Variants in ECE1 observed in about 807,000 individuals in gnomAD.
ECE1 encodes endothelin converting enzyme 1.
Under a neutral mutation model 98.6 loss-of-function variants are expected in ECE1, and 35 were observed. The observed-to-expected ratio is 0.35, with a 90% confidence interval of 0.27 to 0.47. The LOEUF (loss-of-function observed/expected upper bound fraction) is 0.47, where lower values mean the gene tolerates loss of function less well. ECE1 is among the 20% of genes least tolerant of loss of function. ECE1 has a pLI of 1.00. For synonymous variants in ECE1, 394 were observed against 407.1 expected, an observed-to-expected ratio of 0.97 and a Z score of 0.39; for missense variants, 814 against 1,025.3, an observed-to-expected ratio of 0.79 and a Z score of 2.81.
chr1:21,248,512 C>T (rs183959354), intron 8 of ECE1, among the ~76,000 whole-genome samples: 1 of 152,148 alleles, frequency 6.6e-6, no homozygotes, highest in African/African-American at 2.4e-5. Flanking sequence ...AATGAGCGCT[C>T]GCGCCTGGGG....
At chr1:21,279,629 T>G in intron 2 of ECE1, 1 of 1,426,620 alleles carries the variant, frequency 7.0e-7, no homozygotes, top group Non-Finnish European at 9.1e-7. Flanking sequence ...TTTTCCCTGT[T>G]TCTCCAGTGA....
intron 1 of ECE1, among the ~76,000 whole-genome samples, chr1:21,332,651 G>A (rs1383983916): frequency 1.2e-5 from 1 of 81,462 alleles, no homozygotes; most frequent in Non-Finnish European, 2.5e-5. Context: ...GGGAGGGGAG[G>A]AAACAGGAGG....
At chr1:21,316,337 C>T (rs1001291110) in intron 1 of ECE1, among the ~76,000 whole-genome samples, 3 of 152,158 alleles carry the variant, frequency 2.0e-5, no homozygotes, top group Middle Eastern at 3.2e-3. Context: ...GGCACGATCT[C>T]GGCTCACTAC....
At chr1:21,283,126 A>G (rs578199115) in intron 2 of ECE1, among the ~76,000 whole-genome samples, 1 of 151,828 alleles carries the variant, frequency 6.6e-6, no homozygotes, top group Admixed American at 6.6e-5. Flanking sequence ...TATTTTTAGT[A>G]GAGATGGGGT....
intron 1 of ECE1, among the ~76,000 whole-genome samples, chr1:21,306,199 G>A (rs1638593443): frequency 6.6e-6 from 1 of 152,210 alleles, no homozygotes; most frequent in South Asian, 2.1e-4. Flanking sequence ...CAAAGCGTTT[G>A]CTGTCAGGAG....
At chr1:21,255,436 A>G (rs1303175392) in intron 8 of ECE1, among the ~76,000 whole-genome samples, 1 of 152,178 alleles carries the variant, frequency 6.6e-6, no homozygotes, top group Non-Finnish European at 1.5e-5. Context: ...GGCTTCTCCA[A>G]TGGGTGACAG....
chr1:21,279,204 G>A lies in ECE1; in HGVS notation c.267C>T (p.Ile89=). Residue 89 remains isoleucine, a synonymous_variant, in exon 3 of 19, where the codon ATC becomes ATT. Coordinates refer to ENST00000374893, the MANE Select transcript of ECE1 (RefSeq NM_001397.3). ...GAAGGCACCTACTTGTCTGGTACTG[G>A]ATGCCCAGTGCTGCCAAGCAGGCCA... ...GLVACLAALG[I]QYQTRSPSVC... 6.2e-7 allele frequency: 1 copy of A among 1,614,156 alleles called. No homozygotes were observed. Among genetic ancestry groups the A allele is most frequent in the East Asian group, 2.2e-5 (1 of 44,880 alleles).
intron 1 of ECE1, among the ~76,000 whole-genome samples, chr1:21,301,901 T>C (rs915610535): frequency 5.9e-5 from 8 of 135,676 alleles, no homozygotes; most frequent in South Asian, 5.2e-4. Flanking sequence ...TGCCAGGCCC[T>C]CACCACAACC....
Position 21,233,764 on chromosome 1 carries a change from G to A in ECE1, c.1567-103C>T. 2 of 1,072,832 alleles carry A rather than the reference G, an allele frequency of 1.9e-6. No individual in the cohort carries two copies. Among genetic ancestry groups the A allele is most frequent in the Non-Finnish European group, 1.4e-6 (1 of 714,876 alleles). 66.5% of individuals were successfully genotyped at this position (1,072,832 alleles called of 1,614,324 possible). On this transcript the variant is annotated intron_variant, in intron 13 of 18. Coordinates refer to ENST00000374893, the MANE Select transcript of ECE1 (RefSeq NM_001397.3). The surrounding 1 kb of genome is among the most constrained non-coding windows in gnomAD (Gnocchi z 4.0). ...TCATGGTTAAGAGATTAATCTGCAG[G>A]CTGGAGACCGGAATGCAGGGCTTGG...
chr1:21,307,280 G>A lies in ECE1; in HGVS notation c.4-17124C>T, dbSNP rs1638619593. Among the ~76,000 whole-genome samples the A allele has an allele frequency of 6.6e-6, 1 of 152,202 alleles. No individual in the cohort carries two copies. The highest frequency in any genetic ancestry group is 1.5e-5 in the Non-Finnish European group (1 of 68,044). ...CAGCGACTCTGGGGGGCTGGAGCTA[G>A]CATCTCCACATCATGGGTGGAAGAT... On this transcript the variant is annotated intron_variant, in intron 1 of 18. Transcript: ENST00000415912. The surrounding 1 kb of genome is among the most constrained non-coding windows in gnomAD (Gnocchi z 4.2).
intron 1 of ECE1, among the ~76,000 whole-genome samples, chr1:21,339,578 C>T (rs1324840335): frequency 6.6e-6 from 1 of 152,234 alleles, no homozygotes; most frequent in Non-Finnish European, 1.5e-5. Context: ...AAGTGCCAGG[C>T]ACATAGTAGA....
chr1:21,339,737 G>C (rs958848361), intron 1 of ECE1, among the ~76,000 whole-genome samples: 1 of 152,176 alleles, frequency 6.6e-6, no homozygotes, highest in Non-Finnish European at 1.5e-5. Context: ...CCACCTAGCC[G>C]ATTTCCTGAA....
At chr1:21,286,924 GAA>G (rs1352294824) in intron 2 of ECE1, among the ~76,000 whole-genome samples, 1 of 122,698 alleles carries the variant, frequency 8.2e-6, no homozygotes. Flanking sequence ...TCAAAAAAAA[GAA>G]AAAAAAAAAA....
rs1415893578 is a variant in ECE1 at position 21,319,162 on chromosome 1, T to A, written c.3+26214A>T. Among the ~76,000 whole-genome samples the A allele has an allele frequency of 1.3e-5, 2 of 152,098 alleles. No homozygotes were observed. The highest frequency in any genetic ancestry group is 6.6e-5 in the Admixed American group (1 of 15,266). ...GAGTTCGAGACCAGCTTGGGCAACA[T>A]GGTGAAACCCCGTCTCCACTAAAAT... On this transcript the variant is annotated intron_variant, in intron 1 of 18. Coordinates refer to the ECE1 transcript ENST00000415912. This position sits in a 1 kb window ranked among gnomAD's most constrained non-coding sequence, Gnocchi z 4.4.
intron 12 of ECE1, among the ~76,000 whole-genome samples, chr1:21,236,282 C>A (rs996175041): frequency 6.6e-6 from 1 of 152,262 alleles, no homozygotes; most frequent in African/African-American, 2.4e-5. Flanking sequence ...GTGCTTGAGG[C>A]CTACCCCGAA....
intron 1 of ECE1, chr1:21,298,826 C>A (rs754484931): frequency 2.2e-6 from 1 of 456,324 alleles, no homozygotes. Flanking sequence ...CCTGCTCCAT[C>A]CTTACGACTT....
chr1:21,301,408 G>T (rs1197865016), intron 1 of ECE1, among the ~76,000 whole-genome samples: 1 of 152,070 alleles, frequency 6.6e-6, no homozygotes, highest in Non-Finnish European at 1.5e-5. Context: ...GCAGGAGAAT[G>T]GCGTGAACCC....
chr1:21,285,263 T>C (rs2098259224), intron 2 of ECE1, among the ~76,000 whole-genome samples: 1 of 152,122 alleles, frequency 6.6e-6, no homozygotes, highest in Admixed American at 6.6e-5. Flanking sequence ...CTTTCATCGC[T>C]TCCCAGAAGG....
chr1:21,254,559 G>A (rs1197548622), intron 8 of ECE1, among the ~76,000 whole-genome samples: 1 of 152,170 alleles, frequency 6.6e-6, no homozygotes, highest in Non-Finnish European at 1.5e-5. Flanking sequence ...TGTGCTCAGG[G>A]CTCCTGTGCC....
Sources: gnomAD v4.1 joint callset for allele counts (sites outside exome capture counted in the v4.1 genomes callset) on GRCh38, gnomAD v4.1.1 for gene constraint, Gnocchi (gnomAD v3.1) non-coding constraint, MANE v1.5 for transcripts, NCBI Gene and HGNC (gene_info 2026-07-23, HGNC 2026-07-21) for gene names.